FAF1: variants seen among roughly 807,000 people sequenced by gnomAD.
The protein encoded by FAF1 is FAS-associated factor 1.
In FAF1, 25 loss-of-function variants were observed where a neutral mutation model predicts 92.5. The observed-to-expected ratio is 0.27, with a 90% CI of 0.20 to 0.38. FAF1 has a LOEUF of 0.38. Ranked by LOEUF, FAF1 falls within the 10% of genes least tolerant of loss-of-function variation. The probability of loss-of-function intolerance (pLI) is 1.00; values close to 1 mark genes in which losing one functional copy is unlikely to be tolerated. For synonymous variants in FAF1, 234 were observed against 273.2 expected (o/e 0.86, Z 1.42); for missense variants, 636 against 793.3 (o/e 0.80, Z 2.38).
chr1:50,495,714 T>C (rs1231745626), intron 15 of FAF1, among the ~76,000 whole-genome samples: 1 of 152,226 alleles, frequency 6.6e-6, no homozygotes, highest in Non-Finnish European at 1.5e-5. Flanking sequence ...TGTACTAATT[T>C]ACATTCCCAA....
chr1:50,615,618 T>G (rs989575156), intron 8 of FAF1, among the ~76,000 whole-genome samples: 4 of 152,230 alleles, frequency 2.6e-5, no homozygotes, highest in Non-Finnish European at 5.9e-5. Context: ...ATTCCTCTGA[T>G]GATTAGCATT....
At chr1:50,505,790 C>T (rs963699032) in intron 15 of FAF1, among the ~76,000 whole-genome samples, 1 of 152,150 alleles carries the variant, frequency 6.6e-6, no homozygotes, top group African/African-American at 2.4e-5. Context: ...AAAAACTTTG[C>T]TGACCTTTAA....
At chr1:50,959,741 G>C in intron 1 of FAF1, 26 bp downstream of exon 1, 2 of 1,595,610 alleles carry the variant, frequency 1.3e-6, no homozygotes, top group Middle Eastern at 1.7e-4. Flanking sequence ...TTGGAAGTGG[G>C]AGGGGAAGAG....
At chr1:50,726,453 T>C (rs1377682449) in intron 6 of FAF1, among the ~76,000 whole-genome samples, 2 of 152,100 alleles carry the variant, frequency 1.3e-5, no homozygotes, top group African/African-American at 4.8e-5. Flanking sequence ...TCCCAGCACT[T>C]TGGGTGGCCG....
At chr1:50,690,991 A>G (rs996630500) in intron 7 of FAF1, among the ~76,000 whole-genome samples, 2 of 152,076 alleles carry the variant, frequency 1.3e-5, no homozygotes, top group African/African-American at 4.8e-5. Context: ...TCATTAGTGG[A>G]CTTCCACATT....
rs1226992973 is a variant in FAF1 at position 50,490,649 on chromosome 1, C to T, written c.1592G>A (p.Arg531Lys). The stretch of plus-strand genomic sequence containing the variant: ...CAAACGAAACTGTTCTGCCATCTCT[C>T]TCTCGTGAGCTTCCCTCTGTTGATA... ...ADRAKREAHE[R>K]EMAEQFRLEQ... Residue 531 changes from arginine (R) to lysine (K), a missense_variant, in exon 17 of 19, where the codon AGA becomes AAA. Coordinates refer to ENST00000396153, the MANE Select transcript of FAF1 (RefSeq NM_007051.3). The T allele has an allele frequency of 6.2e-7, 1 of 1,611,406 alleles. No homozygotes were observed. The highest frequency in any genetic ancestry group is 2.2e-5 in the East Asian group (1 of 44,858).
intron 1 of FAF1, among the ~76,000 whole-genome samples, chr1:50,894,053 C>T (rs576125794): frequency 4.1e-4 from 62 of 152,214 alleles, no homozygotes; most frequent in Middle Eastern, 6.8e-3. Context: ...AATCCCAACA[C>T]TTTGAGAGGC....
At chr1:50,705,114 A>C (rs932492405) in intron 7 of FAF1, among the ~76,000 whole-genome samples, 3 of 152,236 alleles carry the variant, frequency 2.0e-5, no homozygotes, top group African/African-American at 4.8e-5. Context: ...AAGTCCTGTC[A>C]TAGCCTTAAA....
intron 5 of FAF1, among the ~76,000 whole-genome samples, chr1:50,743,895 A>C (rs892261503): frequency 2.0e-5 from 3 of 151,672 alleles, no homozygotes; most frequent in African/African-American, 7.3e-5. Flanking sequence ...ACATGGTGAA[A>C]CCTCATCTCT....
chr1:50,722,189 A>G (rs187047146), intron 6 of FAF1, among the ~76,000 whole-genome samples: 2 of 152,326 alleles, frequency 1.3e-5, no homozygotes, highest in African/African-American at 4.8e-5. Context: ...CTTACTGAGC[A>G]TCTACAAGGG....
At chr1:50,715,056 C>T in intron 6 of FAF1, 1 of 408,366 alleles carries the variant, frequency 2.4e-6, no homozygotes, top group Non-Finnish European at 4.8e-6. Context: ...AACAAGGACA[C>T]AATTTGGTTT....
At chr1:50,591,463 G>A (rs1340803722) in intron 9 of FAF1, among the ~76,000 whole-genome samples, 1 of 152,124 alleles carries the variant, frequency 6.6e-6, no homozygotes, top group Admixed American at 6.5e-5. Context: ...ACGACTTAAG[G>A]TCAGGAGTTA....
At chr1:50,910,231 C>G (rs1431520509) in intron 1 of FAF1, among the ~76,000 whole-genome samples, 1 of 152,168 alleles carries the variant, frequency 6.6e-6, no homozygotes, top group Non-Finnish European at 1.5e-5. Context: ...GCTGCCTTAT[C>G]CTTCCTCTGG....
chr1:50,626,670 A>C (rs940974096), intron 8 of FAF1, among the ~76,000 whole-genome samples: 1 of 152,152 alleles, frequency 6.6e-6, no homozygotes, highest in East Asian at 1.9e-4. Flanking sequence ...TTTACATGGG[A>C]AGATTTAAGC....
intron 6 of FAF1, among the ~76,000 whole-genome samples, chr1:50,724,306 C>CACACATACACACACACACACACAT (rs764857214): frequency 1.4e-5 from 2 of 145,232 alleles, no homozygotes; most frequent in African/African-American, 2.6e-5. Flanking sequence ...TACACACACA[C>CACACATACACACACACACACACAT]ACACACACAC....
chr1:50,656,739 C>T (rs1202339538), intron 7 of FAF1, among the ~76,000 whole-genome samples: 1 of 151,924 alleles, frequency 6.6e-6, no homozygotes, highest in African/African-American at 2.4e-5. Flanking sequence ...AAAAATTAGC[C>T]AGGTGTGGTG....
chr1:50,874,758 CTTTTTTTTT>C (rs755424291), intron 1 of FAF1, among the ~76,000 whole-genome samples: 15 of 67,254 alleles, frequency 2.2e-4, no homozygotes, highest in Non-Finnish European at 1.6e-4. Context: ...TCTTTTCTTT[CTTTTTTTTT>C]TTTTTTTTTT....
chr1:50,912,701 CAT>C (rs1308813210), intron 1 of FAF1, among the ~76,000 whole-genome samples: 3 of 152,172 alleles, frequency 2.0e-5, no homozygotes, highest in African/African-American at 4.8e-5. Context: ...AATCTACTCA[CAT>C]GTTTATAAAT....
chr1:50,637,582 T>C (rs1654099169), intron 8 of FAF1, among the ~76,000 whole-genome samples: 1 of 151,926 alleles, frequency 6.6e-6, no homozygotes, highest in Non-Finnish European at 1.5e-5. Context: ...TTGATTGGCA[T>C]TGCAGTGAAT....
Sources: allele counts gnomAD v4.1 joint callset (sites outside exome capture counted in the v4.1 genomes callset), GRCh38; gene constraint gnomAD v4.1.1; transcripts MANE v1.5; gene names NCBI Gene and HGNC (gene_info 2026-07-23, HGNC 2026-07-21).